Variants in DNAH11 observed in about 807,000 individuals in gnomAD.
DNAH11 encodes dynein axonemal heavy chain 11, also known as axonemal beta dynein heavy chain 11.
DNAH11 carries 442 observed loss-of-function variants against 526.0 expected under a neutral mutation model. The observed-to-expected ratio is 0.84, with a 90% CI of 0.78 to 0.91. The LOEUF (loss-of-function observed/expected upper bound fraction) is 0.91. Ranked by LOEUF, DNAH11 falls within the 40% of genes least tolerant of loss-of-function variation. DNAH11 has a pLI of 0.00. For missense variants in DNAH11, 6,989 were observed against 5,448.7 expected (o/e 1.28, Z -8.90); for synonymous variants, 2,461 against 1,935.9 (o/e 1.27, Z -7.12).
In DNAH11 at chr7:21,590,985, C is replaced by A; in HGVS notation, c.2237C>A (p.Ala746Asp). Residue 746 changes from alanine (A) to aspartate (D), a missense_variant, in exon 13 of 82, where the codon GCT becomes GAT. Physicochemically the swap from Ala to Asp is moderately radical, Grantham distance 126. Coordinates refer to ENST00000409508, the MANE Select transcript of DNAH11 (RefSeq NM_001277115.2). Reference sequence around the variant, plus strand: ...AAGAAACAAGACATACCAGATTCAGCTTTAGCCATCTTCAAGAAAAGGAAC... The same window carrying A: ...AAGAAACAAGACATACCAGATTCAGATTTAGCCATCTTCAAGAAAAGGAAC... ...MLKKQDIPDS[A>D]LAIFKKRNTI... The A allele has an allele frequency of 6.6e-7, 1 of 1,518,622 alleles. No individual in the cohort carries two copies. Among genetic ancestry groups the A allele is most frequent in the Non-Finnish European group, 8.7e-7 (1 of 1,143,716 alleles). 94.1% of individuals were successfully genotyped at this position (1,518,622 alleles called of 1,614,324 possible).
At chr7:21,598,600 A>C (rs1784954523) in intron 14 of DNAH11, among the ~76,000 whole-genome samples, 2 of 151,658 alleles carry the variant, frequency 1.3e-5, no homozygotes. Context: ...TAAATAAATA[A>C]ATAAATAAAT....
At chr7:21,588,469 A>G in intron 10 of DNAH11, 43 bp from the exon 11 acceptor site, 1 of 1,609,530 alleles carries the variant, frequency 6.2e-7, no homozygotes, top group Admixed American at 1.7e-5. Flanking sequence ...CATTCTGACT[A>G]AATGTTCCCT....
chr7:21,590,951 T>G lies in DNAH11; in HGVS notation c.2203T>G (p.Leu735Val). ...VAVLREVKYL[L>V]MLKKQDIPDS... ...TGTATTGAGAGAAGTGAAATATCTT[T>G]TGATGTTGAAGAAACAAGACATACC... Residue 735 changes from leucine to valine, a missense_variant, in exon 13 of 82, where the codon TTG (leucine) becomes GTG (valine). Coordinates refer to ENST00000409508, the MANE Select transcript of DNAH11 (RefSeq NM_001277115.2). 1 of 1,504,446 alleles carries G rather than the reference T, an allele frequency of 6.6e-7. No individual in the cohort carries two copies. Among genetic ancestry groups the G allele is most frequent in the Non-Finnish European group, 8.8e-7 (1 of 1,136,450 alleles). The allele number at this position is 1,504,446 out of a possible 1,614,324, so 93.2% of individuals were successfully genotyped here. A position where few individuals can be genotyped will look rare whatever the true frequency, so the allele number is the denominator to read the frequency against.
intron 68 of DNAH11, among the ~76,000 whole-genome samples, chr7:21,858,751 A>G (rs1386483341): frequency 6.6e-6 from 1 of 152,202 alleles, no homozygotes; most frequent in East Asian, 1.9e-4. Context: ...GGCACATGAG[A>G]ACTTTTTCTG....
intron 8 of DNAH11, among the ~76,000 whole-genome samples, chr7:21,580,288 G>A (rs1784261153): frequency 6.6e-6 from 1 of 152,196 alleles, no homozygotes; most frequent in Admixed American, 6.5e-5. Context: ...GGGATGTTAG[G>A]CGTGTTAAAA....
chr7:21,635,827 T>C (rs1043045352), intron 25 of DNAH11, 44 bp from the exon 26 acceptor site: 2 of 1,503,886 alleles, frequency 1.3e-6, no homozygotes, highest in Non-Finnish European at 1.8e-6. Context: ...ACTCACATTC[T>C]ACTAAATTTA....
intron 58 of DNAH11, among the ~76,000 whole-genome samples, chr7:21,785,965 T>A (rs1462757702): frequency 6.6e-6 from 1 of 152,216 alleles, no homozygotes; most frequent in Admixed American, 6.5e-5. Flanking sequence ...TTAAATATCA[T>A]AAGCCTACAT....
chr7:21,858,307 T>C (rs1782931815), intron 68 of DNAH11, among the ~76,000 whole-genome samples: 1 of 152,188 alleles, frequency 6.6e-6, no homozygotes, highest in Non-Finnish European at 1.5e-5. Context: ...TGGAAAACAG[T>C]TTGGCAGTTT....
chr7:21,612,948 T>G (rs759217080), intron 20 of DNAH11, among the ~76,000 whole-genome samples: 2 of 152,206 alleles, frequency 1.3e-5, no homozygotes, highest in Admixed American at 6.5e-5. Context: ...TAGCTATCAT[T>G]CAACATTCAT....
intron 55 of DNAH11, 79 bp downstream of exon 55, chr7:21,765,668 T>C: frequency 7.3e-7 from 1 of 1,376,942 alleles, no homozygotes; most frequent in Non-Finnish European, 9.5e-7. Flanking sequence ...ACTCTGAAAA[T>C]CCTCAGTAGG....
chr7:21,679,872 A>T (rs1379868280), intron 30 of DNAH11, among the ~76,000 whole-genome samples: 1 of 152,142 alleles, frequency 6.6e-6, no homozygotes, highest in African/African-American at 2.4e-5. Context: ...TTTTTAAAAA[A>T]TTTTATTATT....
chr7:21,746,984 G>A (rs889260678), intron 51 of DNAH11, among the ~76,000 whole-genome samples: 2 of 152,152 alleles, frequency 1.3e-5, no homozygotes, highest in African/African-American at 2.4e-5. Flanking sequence ...ATTTTCAGTG[G>A]CCTAAAAGGT....
chr7:21,722,129 A>G (rs2390551), intron 44 of DNAH11, among the ~76,000 whole-genome samples: 85,362 of 151,978 alleles, frequency 0.56, 24,141 homozygotes, highest in South Asian at 0.64. Context: ...AATTGCCACC[A>G]TGCACCTCTA....
intron 25 of DNAH11, among the ~76,000 whole-genome samples, chr7:21,622,473 A>G (rs1018984098): frequency 6.6e-6 from 1 of 152,222 alleles, no homozygotes; most frequent in African/African-American, 2.4e-5. Context: ...AAACTACTTT[A>G]AAGTTCATAT....
intron 28 of DNAH11, among the ~76,000 whole-genome samples, chr7:21,650,233 A>C (rs1249419538): frequency 2.0e-5 from 3 of 152,238 alleles, no homozygotes; most frequent in Non-Finnish European, 2.9e-5. Context: ...TACAGTAATA[A>C]GTGAGAAATC....
chr7:21,604,005 T>C (rs916925713), intron 18 of DNAH11, among the ~76,000 whole-genome samples: 19 of 152,206 alleles, frequency 1.2e-4, no homozygotes, highest in African/African-American at 4.6e-4. Flanking sequence ...GAAAATAAGA[T>C]TCATAGGCGG....
In DNAH11 at chr7:21,880,771, G is replaced by T. The variant is rs980098557; in HGVS notation, c.12265G>T (p.Ala4089Ser). The change falls in exon 75 of 82, where the codon GCC (alanine) becomes TCC (serine). Residue 4089 changes from alanine (A) to serine (S), a missense_variant. Transcript: ENST00000409508. Reference sequence around the variant, plus strand: ...CCTTTTTTCTCTCTGCTACTTCCACGCCTGTGTTGCTGGGAGACTGAGGTT... The same window carrying T: ...CCTTTTTTCTCTCTGCTACTTCCACTCCTGTGTTGCTGGGAGACTGAGGTT... ...SILFSLCYFH[A>S]CVAGRLRFGP... 6.2e-7 allele frequency: 1 copy of T among 1,613,922 alleles called. No homozygotes were observed. Among genetic ancestry groups the T allele is most frequent in the South Asian group, 1.1e-5 (1 of 91,076 alleles).
At chr7:21,670,594 T>C (rs7810728) in intron 30 of DNAH11, among the ~76,000 whole-genome samples, 1 of 152,152 alleles carries the variant, frequency 6.6e-6, no homozygotes, top group Non-Finnish European at 1.5e-5. Context: ...TAGTGAGACA[T>C]CCTTGTCCAT....
At chr7:21,732,721 T>C (rs913661008) in intron 45 of DNAH11, among the ~76,000 whole-genome samples, 5 of 152,240 alleles carry the variant, frequency 3.3e-5, no homozygotes, top group Non-Finnish European at 5.9e-5. Flanking sequence ...AGGATTGTGA[T>C]CATCCCATCT....
Sources: allele counts gnomAD v4.1 joint callset (sites outside exome capture counted in the v4.1 genomes callset), GRCh38; gene constraint gnomAD v4.1.1; transcripts MANE v1.5; gene names NCBI Gene and HGNC (gene_info 2026-07-23, HGNC 2026-07-21).